Variants in SV2C observed in about 807,000 individuals in gnomAD.
SV2C encodes synaptic vesicle glycoprotein 2C.
In SV2C, 49 loss-of-function variants were observed where a neutral mutation model predicts 79.7. The ratio of observed to expected loss-of-function variants is 0.61; its 90% CI spans 0.49 to 0.78. The LOEUF is 0.78. SV2C is among the 30% of genes least tolerant of loss of function. The pLI is 0.00. For missense variants in SV2C, 833 were observed against 912.9 expected, an observed-to-expected ratio of 0.91 and a Z score of 1.13; for synonymous variants, 334 against 333.2, an observed-to-expected ratio of 1.00 and a Z score of -0.03.
the SV2C span, among the ~76,000 whole-genome samples, chr5:76,040,210 G>A: frequency 1.3e-5 from 2 of 152,260 alleles, no homozygotes; most frequent in South Asian, 2.1e-4. Context: ...GAACACAGAA[G>A]ATAATTAAGT....
At chr5:76,182,573 C>T (rs978230743) in intron 2 of SV2C, among the ~76,000 whole-genome samples, 3 of 152,114 alleles carry the variant, frequency 2.0e-5, no homozygotes, top group East Asian at 1.9e-4. Flanking sequence ...CGAGGTGCCT[C>T]GGGCGTAAGA....
At chr5:76,023,734 A>C in the SV2C span, among the ~76,000 whole-genome samples, 1 of 150,590 alleles carries the variant, frequency 6.6e-6, no homozygotes, top group Non-Finnish European at 1.5e-5. Flanking sequence ...CTATATTTTA[A>C]GAACATGGAA....
At chr5:75,985,068 A>T in the SV2C span, among the ~76,000 whole-genome samples, 3 of 151,950 alleles carry the variant, frequency 2.0e-5, no homozygotes, top group Non-Finnish European at 2.9e-5. Flanking sequence ...AATGTTCAAG[A>T]GTACACAGTT....
At chr5:76,008,533 A>G in the SV2C span, among the ~76,000 whole-genome samples, 5 of 152,070 alleles carry the variant, frequency 3.3e-5, no homozygotes, top group African/African-American at 1.2e-4. Flanking sequence ...TTCTTTTTCT[A>G]TCACATTCCA....
intron 1 of SV2C, among the ~76,000 whole-genome samples, chr5:76,092,895 C>CA (rs879755229): frequency 2.7e-4 from 41 of 152,092 alleles, no homozygotes; most frequent in Non-Finnish European, 2.8e-4. Context: ...CCCCTTGCAG[C>CA]TCCAGCTGTG....
At chr5:76,025,190 T>TA in the SV2C span, among the ~76,000 whole-genome samples, 4 of 149,372 alleles carry the variant, frequency 2.7e-5, no homozygotes, top group Admixed American at 2.0e-4. Flanking sequence ...TTTTTTTTTT[T>TA]ATGCTGCCCT....
intron 12 of SV2C, among the ~76,000 whole-genome samples, chr5:76,344,986 C>T (rs534145859): frequency 3.9e-5 from 6 of 152,294 alleles, no homozygotes; most frequent in African/African-American, 9.6e-5. Context: ...CTTATTCTAA[C>T]GTGCACAATC....
At chr5:75,888,528 TTC>T in the SV2C span, among the ~76,000 whole-genome samples, 1 of 152,170 alleles carries the variant, frequency 6.6e-6, no homozygotes. Flanking sequence ...CCTCTCCTGA[TTC>T]TCTGAGTGGA....
At chr5:76,160,883 G>A (rs1742879211) in intron 2 of SV2C, among the ~76,000 whole-genome samples, 1 of 152,144 alleles carries the variant, frequency 6.6e-6, no homozygotes, top group Admixed American at 6.5e-5. Context: ...ATAATAAGAA[G>A]TGTTGGCAAG....
the SV2C span, among the ~76,000 whole-genome samples, chr5:76,061,297 A>G: frequency 6.7e-6 from 1 of 148,664 alleles, no homozygotes; most frequent in African/African-American, 2.5e-5. Context: ...AAAAAAAGCA[A>G]TATCTGAAAA....
At chr5:76,082,056 G>C (rs1405301179), upstream of SV2C, 1 of 152,306 alleles carries the variant, frequency 6.6e-6, no homozygotes, top group Non-Finnish European at 1.5e-5. Flanking sequence ...GTGTGTTTGA[G>C]TTCCAATCAC....
At chr5:76,119,839 C>T (rs1419116158) in intron 1 of SV2C, among the ~76,000 whole-genome samples, 2 of 152,146 alleles carry the variant, frequency 1.3e-5, no homozygotes, top group African/African-American at 2.4e-5. Context: ...GGTCTCACAA[C>T]CCATTTTTCA....
chr5:75,954,358 C>T, the SV2C span, among the ~76,000 whole-genome samples: 1 of 151,952 alleles, frequency 6.6e-6, no homozygotes, highest in Non-Finnish European at 1.5e-5. Context: ...AGCCTATCAT[C>T]TCTTGTCATA....
At chr5:76,067,984 C>CT in the SV2C span, among the ~76,000 whole-genome samples, 10 of 152,148 alleles carry the variant, frequency 6.6e-5, no homozygotes, top group Non-Finnish European at 1.2e-4. Flanking sequence ...TATCCATTTA[C>CT]AGTTCTAAAA....
chr5:76,166,103 A>G (rs1286403952), intron 2 of SV2C, among the ~76,000 whole-genome samples: 1 of 152,204 alleles, frequency 6.6e-6, no homozygotes, highest in African/African-American at 2.4e-5. Flanking sequence ...GAATTTCCTG[A>G]TATTGTTTCT....
At chr5:76,087,152 T>G (rs929915535) in intron 1 of SV2C, among the ~76,000 whole-genome samples, 2 of 152,232 alleles carry the variant, frequency 1.3e-5, no homozygotes, top group Admixed American at 6.5e-5. Flanking sequence ...AGATAAGTGG[T>G]CCATTAGATT....
the SV2C span, among the ~76,000 whole-genome samples, chr5:75,902,989 G>A: frequency 6.6e-6 from 1 of 152,146 alleles, no homozygotes; most frequent in Non-Finnish European, 1.5e-5. Context: ...ATATGTTAGA[G>A]CTAATCTTCA....
At chr5:76,245,384 G>A (rs1745913265) in intron 4 of SV2C, among the ~76,000 whole-genome samples, 1 of 152,132 alleles carries the variant, frequency 6.6e-6, no homozygotes, top group Admixed American at 6.6e-5. Context: ...GAAGATAGAA[G>A]CTCAGTTCAT....
the SV2C span, among the ~76,000 whole-genome samples, chr5:76,010,242 G>C: frequency 6.6e-6 from 1 of 152,126 alleles, no homozygotes. Flanking sequence ...CCAGGATGCA[G>C]AGAAATTCAT....
Sources: gnomAD v4.1 joint callset for allele counts (sites outside exome capture counted in the v4.1 genomes callset) on GRCh38, gnomAD v4.1.1 for gene constraint, MANE v1.5 for transcripts, NCBI Gene and HGNC (gene_info 2026-07-23, HGNC 2026-07-21) for gene names.